The following SLC35F4 variants were observed in gnomAD, a reference collection of about 807,000 sequenced individuals.
The protein encoded by SLC35F4 is chromosome 14 open reading frame 36.
SLC35F4 carries 24 observed loss-of-function variants against 44.2 expected under a neutral mutation model. The observed-to-expected ratio is 0.54, with a 90% CI of 0.39 to 0.76. The LOEUF (loss-of-function observed/expected upper bound fraction) is 0.76. Ranked by LOEUF, SLC35F4 falls within the 30% of genes least tolerant of loss-of-function variation. The pLI is 0.00. For synonymous variants in SLC35F4, 238 were observed against 223.6 expected (o/e 1.06, Z -0.57); for missense variants, 562 against 586.1 (o/e 0.96, Z 0.42).
At chr14:57,886,072 A>G (rs1243387475) in intron 1 of SLC35F4, among the ~76,000 whole-genome samples, 3 of 152,346 alleles carry the variant, frequency 2.0e-5, no homozygotes, top group Middle Eastern at 3.4e-3. Context: ...TAGCTAATAT[A>G]TATCACATGC....
At chr14:57,723,913 A>G (rs1044342030) in intron 1 of SLC35F4, among the ~76,000 whole-genome samples, 3 of 152,216 alleles carry the variant, frequency 2.0e-5, no homozygotes, top group Non-Finnish European at 4.4e-5. Context: ...GATGGGAAAT[A>G]AAACCAACTA....
intron 1 of SLC35F4, among the ~76,000 whole-genome samples, chr14:57,742,277 G>C (rs1297199453): frequency 6.6e-6 from 1 of 152,190 alleles, no homozygotes; most frequent in Non-Finnish European, 1.5e-5. Flanking sequence ...ACACAGACTG[G>C]CAAATTGGAT....
At chr14:57,593,615 G>C (rs1329590171) in intron 2 of SLC35F4, among the ~76,000 whole-genome samples, 3 of 152,098 alleles carry the variant, frequency 2.0e-5, no homozygotes, top group Admixed American at 6.5e-5. Flanking sequence ...GAATCCCCAG[G>C]CTGAGACAAA....
intron 1 of SLC35F4, among the ~76,000 whole-genome samples, chr14:57,794,464 C>T (rs1045201944): frequency 6.6e-6 from 1 of 152,072 alleles, no homozygotes; most frequent in Non-Finnish European, 1.5e-5. Context: ...CACTAATCAT[C>T]AGGGAAATGC....
At chr14:57,611,721 T>C (rs1338705344) in intron 1 of SLC35F4, among the ~76,000 whole-genome samples, 1 of 152,116 alleles carries the variant, frequency 6.6e-6, no homozygotes, top group Non-Finnish European at 1.5e-5. Flanking sequence ...TGAAAGTAGT[T>C]TCAGTAGAGA....
At chr14:57,982,906 C>T (rs1881425286), upstream of SLC35F4, among the ~76,000 whole-genome samples, 1 of 152,124 alleles carries the variant, frequency 6.6e-6, no homozygotes, top group Non-Finnish European at 1.5e-5. Context: ...CAATCAGCTC[C>T]TCTCTCTCCA....
At chr14:57,799,732 C>G (rs2078145116) in intron 1 of SLC35F4, among the ~76,000 whole-genome samples, 4 of 152,220 alleles carry the variant, frequency 2.6e-5, no homozygotes, top group Admixed American at 2.0e-4. Flanking sequence ...GCACAGCTGC[C>G]TTGCCAGATC....
At chr14:57,788,301 A>T (rs1162095046) in intron 1 of SLC35F4, among the ~76,000 whole-genome samples, 1 of 152,152 alleles carries the variant, frequency 6.6e-6, no homozygotes, top group Non-Finnish European at 1.5e-5. Context: ...TGAGATAGAC[A>T]GCAACACAGT....
intron 1 of SLC35F4, among the ~76,000 whole-genome samples, chr14:57,752,830 T>C (rs748965409): frequency 2.0e-5 from 3 of 152,180 alleles, no homozygotes; most frequent in Non-Finnish European, 2.9e-5. Context: ...CATTTCCTAT[T>C]GTGTTTAAGA....
chr14:57,564,627 T>C (rs2068113877), intron 7 of SLC35F4, among the ~76,000 whole-genome samples: 1 of 152,228 alleles, frequency 6.6e-6, no homozygotes, highest in Non-Finnish European at 1.5e-5. Flanking sequence ...CTCAGTACTT[T>C]TCCTCTTTAC....
intron 1 of SLC35F4, among the ~76,000 whole-genome samples, chr14:57,852,471 T>C (rs1316664984): frequency 6.6e-6 from 1 of 152,212 alleles, no homozygotes; most frequent in Non-Finnish European, 1.5e-5. Context: ...CTAACGACTT[T>C]AACCAGAGGA....
At chr14:57,737,655 C>G (rs1312582699) in intron 1 of SLC35F4, among the ~76,000 whole-genome samples, 6 of 152,184 alleles carry the variant, frequency 3.9e-5, no homozygotes, top group African/African-American at 1.2e-4. Flanking sequence ...CTGACATATC[C>G]TCTCTCTAAA....
At chr14:57,774,492 C>G (rs1261938972) in intron 1 of SLC35F4, among the ~76,000 whole-genome samples, 4 of 152,230 alleles carry the variant, frequency 2.6e-5, no homozygotes, top group Non-Finnish European at 5.9e-5. Context: ...TGCCCATCCC[C>G]CTAGGCTCGA....
chr14:57,731,414 G>A (rs1092019), intron 1 of SLC35F4, among the ~76,000 whole-genome samples: 115,365 of 152,186 alleles, frequency 0.76, 46,925 homozygotes, highest in Non-Finnish European at 0.91. Context: ...CTCCTACTGA[G>A]AGGGTTCTTC....
intron 1 of SLC35F4, among the ~76,000 whole-genome samples, chr14:57,871,870 C>T (rs1335837270): frequency 6.6e-6 from 1 of 152,200 alleles, no homozygotes; most frequent in East Asian, 1.9e-4. Context: ...TTACTAAAAA[C>T]TGTAATTGAA....
chr14:57,865,691 G>T (rs1348248830), intron 1 of SLC35F4, 32 bp downstream of exon 1: 14 of 1,497,646 alleles, frequency 9.3e-6, no homozygotes, highest in African/African-American at 1.4e-5. Flanking sequence ...TCCCTTCCCC[G>T]CCTCGCGCAG....
chr14:57,805,677 T>C (rs1881234725), intron 1 of SLC35F4, among the ~76,000 whole-genome samples: 1 of 152,128 alleles, frequency 6.6e-6, no homozygotes, highest in Non-Finnish European at 1.5e-5. Flanking sequence ...GATGCTGGGC[T>C]TAATACTTAG....
chr14:57,874,100 A>T (rs1888347455), intron 1 of SLC35F4, among the ~76,000 whole-genome samples: 1 of 152,204 alleles, frequency 6.6e-6, no homozygotes, highest in African/African-American at 2.4e-5. Context: ...GAGCCAAGTG[A>T]TAAGAACATC....
chr14:57,820,033 A>C (rs1883003676), intron 1 of SLC35F4, among the ~76,000 whole-genome samples: 1 of 152,178 alleles, frequency 6.6e-6, no homozygotes. Context: ...TGGATGAGTA[A>C]TTCAATAAAT....
Sources: allele counts gnomAD v4.1 joint callset (sites outside exome capture counted in the v4.1 genomes callset), GRCh38; gene constraint gnomAD v4.1.1; transcripts MANE v1.5; gene names NCBI Gene and HGNC (gene_info 2026-07-23, HGNC 2026-07-21).